ZNF804B: variants seen among roughly 807,000 people sequenced by gnomAD.
ZNF804B encodes the protein zinc finger protein 804B.
ZNF804B carries 80 observed loss-of-function variants against 101.4 expected under a neutral mutation model. The observed-to-expected ratio is 0.79, with a 90% CI of 0.66 to 0.95. The LOEUF (loss-of-function observed/expected upper bound fraction) is 0.95. ZNF804B is among the 40% of genes least tolerant of loss of function. ZNF804B has a pLI of 0.00. For missense variants in ZNF804B, 1,673 were observed against 1,561.9 expected (o/e 1.07, Z -1.20); for synonymous variants, 622 against 558.8 (o/e 1.11, Z -1.59).
At chr7:88,803,674 G>C (rs1790642442) in intron 1 of ZNF804B, among the ~76,000 whole-genome samples, 1 of 152,120 alleles carries the variant, frequency 6.6e-6, no homozygotes, top group South Asian at 2.1e-4. Context: ...AGGATGCCCA[G>C]ATTTGGGAAG....
intron 2 of ZNF804B, among the ~76,000 whole-genome samples, chr7:89,248,059 A>G (rs1789478094): frequency 6.6e-6 from 1 of 152,314 alleles, no homozygotes; most frequent in African/African-American, 2.4e-5. Context: ...TAAAGAAAAA[A>G]AAAGTTTTAA....
chr7:89,015,237 T>G (rs778182716), intron 1 of ZNF804B, among the ~76,000 whole-genome samples: 1 of 152,128 alleles, frequency 6.6e-6, no homozygotes, highest in Non-Finnish European at 1.5e-5. Context: ...TCATTCTGTT[T>G]TGGTTCACAT....
intron 1 of ZNF804B, among the ~76,000 whole-genome samples, chr7:88,802,243 C>T (rs1417510754): frequency 1.3e-5 from 2 of 152,116 alleles, no homozygotes; most frequent in African/African-American, 2.4e-5. Context: ...TGCCCAGTCT[C>T]AGGTAGTATC....
At chr7:88,995,245 T>A (rs2116161100) in intron 1 of ZNF804B, among the ~76,000 whole-genome samples, 1 of 151,994 alleles carries the variant, frequency 6.6e-6, no homozygotes. Context: ...AGGATGAGAG[T>A]AAGTTGGTAG....
intron 2 of ZNF804B, among the ~76,000 whole-genome samples, chr7:89,234,768 T>G (rs2115748006): frequency 6.6e-6 from 1 of 152,248 alleles, no homozygotes; most frequent in East Asian, 1.9e-4. Context: ...TTATGTGACT[T>G]GAATTAGCAG....
intron 2 of ZNF804B, among the ~76,000 whole-genome samples, chr7:89,283,268 A>G (rs1436475302): frequency 6.6e-6 from 1 of 152,226 alleles, no homozygotes; most frequent in East Asian, 1.9e-4. Context: ...GGAAATATTA[A>G]TAAATTAAAA....
chr7:89,254,117 A>AT (rs1789587198), intron 2 of ZNF804B, among the ~76,000 whole-genome samples: 1 of 152,006 alleles, frequency 6.6e-6, no homozygotes, highest in Non-Finnish European at 1.5e-5. Flanking sequence ...CACAATTTCT[A>AT]TTTAACATTG....
intron 1 of ZNF804B, among the ~76,000 whole-genome samples, chr7:89,106,363 G>A (rs1178388245): frequency 6.6e-6 from 1 of 152,050 alleles, no homozygotes; most frequent in African/African-American, 2.4e-5. Context: ...TTAAAAGATT[G>A]GGCACCAGTG....
intron 2 of ZNF804B, among the ~76,000 whole-genome samples, chr7:89,269,302 G>T (rs575185684): frequency 2.0e-5 from 3 of 152,202 alleles, no homozygotes; most frequent in South Asian, 2.1e-4. Context: ...CTATGAGTGA[G>T]AACATGTTGT....
intron 1 of ZNF804B, among the ~76,000 whole-genome samples, chr7:88,788,097 G>A (rs986669958): frequency 2.0e-5 from 3 of 152,072 alleles, no homozygotes; most frequent in Non-Finnish European, 2.9e-5. Context: ...GGAATGTGGC[G>A]GCAGGGAATG....
intron 1 of ZNF804B, among the ~76,000 whole-genome samples, chr7:89,163,221 T>A (rs916855607): frequency 2.0e-5 from 3 of 152,156 alleles, no homozygotes; most frequent in African/African-American, 4.8e-5. Flanking sequence ...AACATTATCA[T>A]CAAGAATAAT....
intron 1 of ZNF804B, among the ~76,000 whole-genome samples, chr7:89,215,909 A>C (rs975577181): frequency 2.7e-5 from 4 of 150,446 alleles, no homozygotes; most frequent in African/African-American, 9.7e-5. Context: ...ATAAATAAAT[A>C]AATAAATAAA....
At chr7:89,018,702 C>G (rs1203217185) in intron 1 of ZNF804B, among the ~76,000 whole-genome samples, 1 of 152,028 alleles carries the variant, frequency 6.6e-6, no homozygotes, top group Non-Finnish European at 1.5e-5. Context: ...TTCATATTTT[C>G]TATTTCTCCT....
intron 1 of ZNF804B, among the ~76,000 whole-genome samples, chr7:88,981,365 A>G (rs980214311): frequency 3.9e-5 from 6 of 152,040 alleles, no homozygotes; most frequent in African/African-American, 9.7e-5. Context: ...TTGAGCTATT[A>G]TCTAAGTTCC....
intron 1 of ZNF804B, among the ~76,000 whole-genome samples, chr7:88,763,370 T>G (rs1396986779): frequency 6.6e-6 from 1 of 152,090 alleles, no homozygotes; most frequent in Non-Finnish European, 1.5e-5. Context: ...AAACTGAAAA[T>G]CCCAGAGTGA....
chr7:88,771,761 C>A (rs186342222), intron 1 of ZNF804B, among the ~76,000 whole-genome samples: 2 of 152,130 alleles, frequency 1.3e-5, no homozygotes, highest in Admixed American at 6.6e-5. Context: ...ATATTACATG[C>A]CAATTTTCAA....
chr7:89,080,174 C>A (rs1162756819), intron 1 of ZNF804B, among the ~76,000 whole-genome samples: 11 of 151,458 alleles, frequency 7.3e-5, no homozygotes, highest in African/African-American at 2.2e-4. Context: ...GACAGGTAAT[C>A]AAAGATTGGG....
intron 2 of ZNF804B, among the ~76,000 whole-genome samples, chr7:89,239,253 G>A (rs1789328864): frequency 1.3e-5 from 2 of 152,060 alleles, no homozygotes; most frequent in South Asian, 4.1e-4. Context: ...ACAGGTGTGT[G>A]GGTCAGCAGA....
chr7:89,234,598 G>T (rs1789250046), intron 2 of ZNF804B, among the ~76,000 whole-genome samples: 1 of 152,100 alleles, frequency 6.6e-6, no homozygotes, highest in Non-Finnish European at 1.5e-5. Flanking sequence ...TGTCATACAG[G>T]ACCAATAGAA....
Sources: gnomAD v4.1 joint callset for allele counts (sites outside exome capture counted in the v4.1 genomes callset) on GRCh38, gnomAD v4.1.1 for gene constraint, MANE v1.5 for transcripts, NCBI Gene and HGNC (gene_info 2026-07-23, HGNC 2026-07-21) for gene names.